HSPA4: variants seen among roughly 807,000 people sequenced by gnomAD.
HSPA4 encodes the protein heat shock protein family A (Hsp70) member 4.
A neutral mutation model predicts 106.2 loss-of-function variants in HSPA4; 25 were observed. The observed-to-expected ratio is 0.24, with a 90% CI of 0.17 to 0.33. The LOEUF (loss-of-function observed/expected upper bound fraction) is 0.33. Among genes scored for constraint, HSPA4 ranks in the 10% least tolerant of loss-of-function variants. HSPA4 has a pLI of 1.00. For missense variants in HSPA4, 841 were observed against 996.0 expected (o/e 0.84, Z 2.10); for synonymous variants, 332 against 333.6 (o/e 1.00, Z 0.05).
chr5:133,057,051 G>A (rs1410383737), intron 1 of HSPA4, among the ~76,000 whole-genome samples: 3 of 152,132 alleles, frequency 2.0e-5, no homozygotes, highest in Non-Finnish European at 2.9e-5. Flanking sequence ...TTCTACAACT[G>A]TGTACTTTTA....
intron 8 of HSPA4, among the ~76,000 whole-genome samples, chr5:133,087,388 T>G (rs1243479252): frequency 1.3e-5 from 2 of 151,918 alleles, no homozygotes; most frequent in Non-Finnish European, 2.9e-5. Context: ...TGTTGGGATA[T>G]ACTGTCAGCT....
chr5:133,059,645 A>G (rs188182996), intron 1 of HSPA4, among the ~76,000 whole-genome samples: 278 of 152,232 alleles, frequency 1.8e-3, no homozygotes, highest in Non-Finnish European at 3.0e-3. Context: ...AAATGTGTGT[A>G]TACGTGGGGT....
intron 1 of HSPA4, among the ~76,000 whole-genome samples, chr5:133,054,848 T>C (rs760717292): frequency 1.3e-4 from 20 of 152,204 alleles, no homozygotes; most frequent in Non-Finnish European, 1.9e-4. Flanking sequence ...GCTAAAGCGC[T>C]GAGTTAATGT....
At chr5:133,055,687 C>G (rs1581462091) in intron 1 of HSPA4, among the ~76,000 whole-genome samples, 2 of 152,110 alleles carry the variant, frequency 1.3e-5, no homozygotes, top group Admixed American at 1.3e-4. Context: ...AAACCAAATA[C>G]TAAACAAAAA....
chr5:133,068,177 C>T (rs1286456510), intron 3 of HSPA4, among the ~76,000 whole-genome samples: 1 of 152,134 alleles, frequency 6.6e-6, no homozygotes. Flanking sequence ...CAGGCGTGAG[C>T]CACCGCACCT....
chr5:133,103,774 A>C (rs1160799430), intron 17 of HSPA4, 91 bp from the exon 18 acceptor site: 1 of 1,035,232 alleles, frequency 9.7e-7, no homozygotes, highest in South Asian at 1.6e-5. Context: ...AAAGATTATA[A>C]GTTTTTGAAA....
chr5:133,074,277 T>C (rs1348934433), intron 6 of HSPA4, 151 bp downstream of exon 6: 4 of 454,662 alleles, frequency 8.8e-6, no homozygotes, highest in Middle Eastern at 5.8e-4. Context: ...TCTTTCTTTT[T>C]TTTCTCTTTT....
At position 133,092,682 on chromosome 5, in the gene HSPA4, A is replaced by G; in HGVS notation, c.1561-18A>G. ...TTAGTCTTCCTAATTGCAGGATTTAATTTGACCTGTTTTTCAGAAGATGCA... is the reference window on the plus strand; with the variant it reads ...TTAGTCTTCCTAATTGCAGGATTTAGTTTGACCTGTTTTTCAGAAGATGCA... On this transcript the variant is annotated intron_variant, in intron 12 of 18. Coordinates refer to ENST00000304858, the MANE Select transcript of HSPA4 (RefSeq NM_002154.4). 1 of 1,567,346 alleles carries G rather than the reference A, an allele frequency of 6.4e-7. No individual in the cohort carries two copies. Among genetic ancestry groups the G allele is most frequent in the South Asian group, 1.1e-5 (1 of 89,932 alleles).
chr5:133,070,463 T>A lies in HSPA4; in HGVS notation c.396T>A (p.Val132=), dbSNP rs1364810602. ...AACTGAAGGAGACAGCCGAAAGTGTTCTTAAGAAGCCTGTAGTTGACTGTG... is the reference window on the plus strand; with the variant it reads ...AACTGAAGGAGACAGCCGAAAGTGTACTTAAGAAGCCTGTAGTTGACTGTG... The part of the protein sequence containing the change: ...LSKLKETAES[V]LKKPVVDCVV... Residue 132 remains valine, a synonymous_variant, in exon 4 of 19, where the codon GTT becomes GTA. Coordinates refer to ENST00000304858, the MANE Select transcript of HSPA4 (RefSeq NM_002154.4). 20 of 1,613,806 alleles carry A rather than the reference T, an allele frequency of 1.2e-5. No homozygotes were observed. The highest frequency in any genetic ancestry group is 1.6e-5 in the Non-Finnish European group (19 of 1,179,916).
At chr5:133,061,268 G>A (rs373681838) in intron 1 of HSPA4, among the ~76,000 whole-genome samples, 26 of 151,764 alleles carry the variant, frequency 1.7e-4, no homozygotes, top group African/African-American at 4.6e-4. Context: ...GACTACAGGC[G>A]CCCGCCACCA....
chr5:133,055,307 ATTTTTTTTTTTTTTTTTT>A (rs397999293), intron 1 of HSPA4, among the ~76,000 whole-genome samples: 6 of 60,106 alleles, frequency 1.0e-4, no homozygotes, highest in South Asian at 7.1e-4. Context: ...AGGAAGGTTG[ATTTTTTTTTTTTTTTTTT>A]TTTTTTTTTT....
At chr5:133,100,954 C>G (rs1196646606) in intron 16 of HSPA4, among the ~76,000 whole-genome samples, 1 of 152,090 alleles carries the variant, frequency 6.6e-6, no homozygotes, top group African/African-American at 2.4e-5. Context: ...TACAGCTGTG[C>G]GCCATCACGC....
intron 1 of HSPA4, among the ~76,000 whole-genome samples, chr5:133,053,129 C>T (rs915106210): frequency 2.0e-5 from 3 of 152,090 alleles, no homozygotes; most frequent in Admixed American, 2.0e-4. Flanking sequence ...GCTCAAGGGC[C>T]CGCCTTGACT....
rs748459297 is a variant in HSPA4 at position 133,072,392 on chromosome 5, G to GTTTTTTTTTTT, written c.430-825_430-815dup. On this transcript the variant is annotated intron_variant, in intron 4 of 18. Transcript: ENST00000304858. Reference sequence around the variant, plus strand: ...GTTCTGCCTAGCCTGGTCCAGGGTTGTTTTTTTTTTTTTTTTTTTTTTTGG... The same window carrying GTTTTTTTTTTT: ...GTTCTGCCTAGCCTGGTCCAGGGTTGTTTTTTTTTTTTTTTTTTTTTTTTTTTTTTTTTTGG... 7.4e-4 allele frequency among the ~76,000 whole-genome samples: 56 copies of GTTTTTTTTTTT among 75,730 alleles called. 1 individual carries two copies. Among genetic ancestry groups the GTTTTTTTTTTT allele is most frequent in the African/African-American group, 2.8e-3 (53 of 18,868 alleles). 49.7% of individuals were successfully genotyped at this position (75,730 alleles called of 152,430 possible).
At chr5:133,081,907 A>G (rs1277912003) in intron 7 of HSPA4, among the ~76,000 whole-genome samples, 1 of 152,218 alleles carries the variant, frequency 6.6e-6, no homozygotes, top group Non-Finnish European at 1.5e-5. Flanking sequence ...CACATCATTC[A>G]GCAGTTGTAT....
At chr5:133,096,016 A>T in intron 13 of HSPA4, 82 bp from the exon 14 acceptor site, 1 of 1,270,766 alleles carries the variant, frequency 7.9e-7, no homozygotes, top group Admixed American at 2.7e-5. Context: ...AAAAAAGCAA[A>T]AACAGTTTTC....
rs557661082 is a variant in HSPA4 at position 133,060,312 on chromosome 5, T to C, written c.108-4668T>C. 1.0e-3 allele frequency among the ~76,000 whole-genome samples: 153 copies of C among 152,278 alleles called. 2 individuals carry two copies. The Middle Eastern group carries it at 0.02, about 20-fold the overall frequency. On this transcript the variant is annotated intron_variant, in intron 1 of 18. Transcript: ENST00000304858. ...TTTGAGTATTCATATCATTTAAATA[T>C]TAGGTTTCTTTATGTAAGCCTTTAG...
intron 16 of HSPA4, 93 bp from the exon 17 acceptor site, chr5:133,101,666 C>G (rs948580055): frequency 2.5e-6 from 3 of 1,176,710 alleles, no homozygotes; most frequent in Non-Finnish European, 3.7e-6. Context: ...ATATAGCACA[C>G]GGAGATTAAA....
chr5:133,085,617 G>A (rs151336617), intron 7 of HSPA4, among the ~76,000 whole-genome samples: 23 of 152,072 alleles, frequency 1.5e-4, no homozygotes, highest in African/African-American at 4.3e-4. Context: ...CTGGGATTGC[G>A]CCACTGCACT....
Sources: allele counts gnomAD v4.1 joint callset (sites outside exome capture counted in the v4.1 genomes callset), GRCh38; gene constraint gnomAD v4.1.1; transcripts MANE v1.5; gene names NCBI Gene and HGNC (gene_info 2026-07-23, HGNC 2026-07-21).